CRHR1: variants seen among roughly 807,000 people sequenced by gnomAD.
The protein encoded by CRHR1 is corticotropin-releasing hormone receptor 1.
CRHR1 carries 28 observed loss-of-function variants against 56.0 expected under a neutral mutation model. That is an observed-to-expected ratio of 0.50 (90% CI 0.37 to 0.69). The LOEUF (loss-of-function observed/expected upper bound fraction) is 0.69, where lower values mean the gene tolerates loss of function less well. CRHR1 is among the 30% of genes least tolerant of loss of function. CRHR1 has a pLI of 0.00. For missense variants in CRHR1, 376 were observed against 548.0 expected (o/e 0.69, Z 3.13); for synonymous variants, 195 against 216.5 (o/e 0.90, Z 0.87).
chr17:45,829,561 G>A (rs1434935517), intron 5 of CRHR1: 1 of 1,549,282 alleles, frequency 6.5e-7, no homozygotes, highest in Non-Finnish European at 8.7e-7. Flanking sequence ...CCATACCCAG[G>A]CCAGGCTGCA....
In CRHR1 at chr17:45,807,007, C is replaced by A. The variant is rs954847384; in HGVS notation, c.34-3C>A. The A allele has an allele frequency of 6.2e-7, 1 of 1,613,642 alleles. No homozygotes were observed. The highest frequency in any genetic ancestry group is 1.1e-5 in the South Asian group (1 of 90,990). On this transcript the variant is annotated splice_region_variant and splice_polypyrimidine_tract_variant and intron_variant, in intron 1 of 12. Transcript: ENST00000314537. ...ATGTGTCCTTCGCCTCCTGTGCCTG[C>A]AGGCCCTTCTCCTTCTGGGGCTGAA...
chr17:45,833,693 T>TGGGGGGGGCCCCCCCCCCCCC, intron 10 of CRHR1, 21 bp from the exon 11 acceptor site: 1 of 1,571,604 alleles, frequency 6.4e-7, no homozygotes, highest in Non-Finnish European at 8.7e-7. Flanking sequence ...ACTCCGAGCC[T>TGGGGGGGGCCCCCCCCCCCCC]CCCCACCCGC....
chr17:45,808,670 A>G (rs1338583116), intron 2 of CRHR1, among the ~76,000 whole-genome samples: 2 of 151,876 alleles, frequency 1.3e-5, no homozygotes, highest in Non-Finnish European at 2.9e-5. Context: ...GGTTTTAGAG[A>G]TGGGATCTCA....
intron 1 of CRHR1, among the ~76,000 whole-genome samples, chr17:45,801,518 G>T (rs1236130889): frequency 6.6e-6 from 1 of 152,172 alleles, no homozygotes; most frequent in Non-Finnish European, 1.5e-5. Flanking sequence ...AACCTTGAAG[G>T]TTTGGCTCTT....
intron 2 of CRHR1, among the ~76,000 whole-genome samples, chr17:45,809,911 A>T (rs2061789368): frequency 6.6e-6 from 1 of 152,234 alleles, no homozygotes; most frequent in Non-Finnish European, 1.5e-5. Context: ...GACATCACAG[A>T]CAAATAGAAT....
chr17:45,833,992 C>T lies in CRHR1; in HGVS notation c.1066-15C>T, dbSNP rs1304838652. 6 of 1,613,830 alleles carry T rather than the reference C, an allele frequency of 3.7e-6. No homozygotes were observed. The highest frequency in any genetic ancestry group is 1.6e-4 in the Middle Eastern group (1 of 6,084). ...ACCTGCAGCCGACCTTTGACGCCTC[C>T]TCTCTCCTCCCCAGGGCTTCTTTGT... On this transcript the variant is annotated splice_polypyrimidine_tract_variant and intron_variant, in intron 11 of 12. Transcript: ENST00000314537.
intron 1 of CRHR1, among the ~76,000 whole-genome samples, chr17:45,785,164 C>A (rs1446271419): frequency 6.6e-6 from 1 of 152,232 alleles, no homozygotes; most frequent in Non-Finnish European, 1.5e-5. Flanking sequence ...TGTTCCCCGA[C>A]CGCGGCTGGG....
chr17:45,807,184 A>T, intron 2 of CRHR1, 87 bp downstream of exon 2: 1 of 1,238,960 alleles, frequency 8.1e-7, no homozygotes, highest in Non-Finnish European at 1.2e-6. Context: ...ACACAGAACC[A>T]TGCCCTAAGG....
At chr17:45,789,504 TG>T (rs1294700224) in intron 1 of CRHR1, among the ~76,000 whole-genome samples, 1 of 151,444 alleles carries the variant, frequency 6.6e-6, no homozygotes, top group African/African-American at 2.4e-5. Flanking sequence ...CCCAAGTAGC[TG>T]GGACTATAGG....
rs754862691 is a variant in CRHR1 at position 45,833,697 on chromosome 17, C to T, written c.930-17C>T. 1.8e-5 allele frequency: 11 copies of T among 604,404 alleles called. No homozygotes were observed. The highest frequency in any genetic ancestry group is 1.4e-4 in the South Asian group (10 of 70,864). 37.4% of individuals were successfully genotyped at this position (604,404 alleles called of 1,614,324 possible). A position where few individuals can be genotyped will look rare whatever the true frequency, so the allele number is the denominator to read the frequency against. On this transcript the variant is annotated splice_polypyrimidine_tract_variant and intron_variant, in intron 10 of 12. Transcript: ENST00000314537. ...GGTGGGCTGTGACTCCGAGCCTCCC[C>T]ACCCGCCCCACCCCAGGAAGGCTGT...
At chr17:45,801,147 T>TGGAGCAGGCC (rs1909137676) in intron 1 of CRHR1, among the ~76,000 whole-genome samples, 1 of 152,186 alleles carries the variant, frequency 6.6e-6, no homozygotes, top group Non-Finnish European at 1.5e-5. Context: ...TGCTGCAGGC[T>TGGAGCAGGCC]GGAGCAGGCC....
At chr17:45,806,884 T>C in intron 1 of CRHR1, 126 bp from the exon 2 acceptor site, 1 of 712,912 alleles carries the variant, frequency 1.4e-6, no homozygotes, top group Non-Finnish European at 2.4e-6. Context: ...CGACTGGATG[T>C]GTGACAGGGT....
At chr17:45,786,127 CT>C (rs66781068) in intron 1 of CRHR1, among the ~76,000 whole-genome samples, 2 of 145,562 alleles carry the variant, frequency 1.4e-5, no homozygotes, top group Middle Eastern at 3.6e-3. Context: ...GTTTTCTTTT[CT>C]TTTTTTTTTT....
Position 45,784,727 on chromosome 17 carries a change from C to T in CRHR1, c.33+150C>T. Reference sequence around the variant, plus strand: ...GGCTGGGCTCCGGGGCAGCCTAACTCTCTGGACCTTTGGAGCCAGGGTTGG... The same window carrying T: ...GGCTGGGCTCCGGGGCAGCCTAACTTTCTGGACCTTTGGAGCCAGGGTTGG... On this transcript the variant is annotated intron_variant, in intron 1 of 12. Transcript: ENST00000314537. This position sits in a 1 kb window ranked among gnomAD's most constrained non-coding sequence, Gnocchi z 4.2. 1.2e-6 allele frequency: 1 copy of T among 805,338 alleles called. No individual in the cohort carries two copies. Among genetic ancestry groups the T allele is most frequent in the Admixed American group, 3.9e-5 (1 of 25,540 alleles). The allele number at this position is 805,338 out of a possible 1,614,324, so 49.9% of individuals were successfully genotyped here. A position where few individuals can be genotyped will look rare whatever the true frequency, so the allele number is the denominator to read the frequency against.
At chr17:45,824,696 G>T (rs1265969056) in intron 4 of CRHR1, among the ~76,000 whole-genome samples, 1 of 152,190 alleles carries the variant, frequency 6.6e-6, no homozygotes, top group Non-Finnish European at 1.5e-5. Flanking sequence ...TAGGGTTTGG[G>T]TTTCAACGGG....
chr17:45,791,095 C>G (rs1351034972), intron 1 of CRHR1, among the ~76,000 whole-genome samples: 1 of 152,166 alleles, frequency 6.6e-6, no homozygotes, highest in African/African-American at 2.4e-5. Flanking sequence ...TTCCCAGCCT[C>G]TTTGGCAAGG....
chr17:45,809,138 C>T (rs564964225), intron 2 of CRHR1, among the ~76,000 whole-genome samples: 1 of 152,282 alleles, frequency 6.6e-6, no homozygotes, highest in Admixed American at 6.5e-5. Context: ...TGAGCTACAG[C>T]AGGAGGTGAG....
intron 4 of CRHR1, among the ~76,000 whole-genome samples, chr17:45,828,631 GA>G (rs1272182787): frequency 6.6e-6 from 1 of 152,230 alleles, no homozygotes; most frequent in Admixed American, 6.5e-5. Context: ...GAAGGCCCCG[GA>G]AAGTGAGTTA....
intron 2 of CRHR1, among the ~76,000 whole-genome samples, chr17:45,810,371 A>G (rs755939412): frequency 2.0e-5 from 3 of 152,164 alleles, no homozygotes; most frequent in Admixed American, 1.3e-4. Context: ...ATCTCATTCA[A>G]TCATTACAAT....
Sources: allele counts gnomAD v4.1 joint callset (sites outside exome capture counted in the v4.1 genomes callset), GRCh38; gene constraint gnomAD v4.1.1; non-coding constraint Gnocchi (gnomAD v3.1); transcripts MANE v1.5; gene names NCBI Gene and HGNC (gene_info 2026-07-23, HGNC 2026-07-21).